Variants in SLC4A7 observed in about 807,000 individuals in gnomAD.
SLC4A7 encodes solute carrier family 4 member 7, also known as sodium bicarbonate cotransporter 3.
A neutral mutation model predicts 137.6 loss-of-function variants in SLC4A7; 51 were observed. The observed-to-expected ratio is 0.37, with a 90% CI of 0.30 to 0.47. SLC4A7 has a LOEUF of 0.47. Among genes scored for constraint, SLC4A7 ranks in the 20% least tolerant of loss-of-function variants. The pLI, the probability that SLC4A7 is intolerant of heterozygous loss-of-function variation, is 1.00. For missense variants in SLC4A7, 1,247 were observed against 1,525.4 expected, an observed-to-expected ratio of 0.82 and a Z score of 3.04; for synonymous variants, 542 against 518.6, an observed-to-expected ratio of 1.05 and a Z score of -0.61.
At chr3:27,425,581 C>T (rs1293209045) in intron 7 of SLC4A7, among the ~76,000 whole-genome samples, 3 of 134,422 alleles carry the variant, frequency 2.2e-5, no homozygotes, top group Non-Finnish European at 4.6e-5. Flanking sequence ...GAGGCTGAGG[C>T]AGGAGAATTG....
chr3:27,447,640 C>CTTTTT (rs71087609), intron 3 of SLC4A7, among the ~76,000 whole-genome samples: 15 of 99,714 alleles, frequency 1.5e-4, no homozygotes, highest in African/African-American at 2.1e-4. Flanking sequence ...TTTTACAGCC[C>CTTTTT]TTTTTTTTTT....
chr3:27,389,145 G>C (rs1337930337), intron 22 of SLC4A7, among the ~76,000 whole-genome samples: 1 of 151,872 alleles, frequency 6.6e-6, no homozygotes, highest in African/African-American at 2.4e-5. Flanking sequence ...GAATAATAAA[G>C]GCAATGAAGT....
At chr3:27,424,698 A>T (rs1382315734) in intron 7 of SLC4A7, among the ~76,000 whole-genome samples, 1 of 152,216 alleles carries the variant, frequency 6.6e-6, no homozygotes, top group Non-Finnish European at 1.5e-5. Context: ...TGTCTATAAT[A>T]CCTATTGTCA....
At chr3:27,428,081 T>C (rs555006002) in intron 7 of SLC4A7, among the ~76,000 whole-genome samples, 11 of 152,348 alleles carry the variant, frequency 7.2e-5, no homozygotes, top group African/African-American at 2.4e-4. Context: ...AAAATCACTT[T>C]TGTTCAAGGA....
intron 18 of SLC4A7, among the ~76,000 whole-genome samples, chr3:27,396,290 G>C (rs1385160225): frequency 6.6e-6 from 1 of 152,026 alleles, no homozygotes; most frequent in Non-Finnish European, 1.5e-5. Context: ...TTACTCTTAA[G>C]AGTTCCTTGA....
intron 11 of SLC4A7, among the ~76,000 whole-genome samples, chr3:27,415,162 A>AC (rs2054264294): frequency 1.3e-5 from 2 of 152,174 alleles, no homozygotes; most frequent in African/African-American, 4.8e-5. Flanking sequence ...CAAGTAGACC[A>AC]CTTCGACACC....
intron 1 of SLC4A7, among the ~76,000 whole-genome samples, chr3:27,472,560 C>T (rs1177476820): frequency 2.6e-5 from 4 of 152,102 alleles, no homozygotes; most frequent in South Asian, 4.1e-4. Context: ...GTATAATTTG[C>T]ATTTTTCAGC....
chr3:27,472,846 G>A (rs914108036), intron 1 of SLC4A7, among the ~76,000 whole-genome samples: 4 of 152,032 alleles, frequency 2.6e-5, no homozygotes, highest in South Asian at 2.1e-4. Context: ...TTGGGAGGCC[G>A]AGGCGGGCAG....
At chr3:27,459,420 T>C (rs2058576319) in intron 1 of SLC4A7, among the ~76,000 whole-genome samples, 1 of 151,360 alleles carries the variant, frequency 6.6e-6, no homozygotes. Context: ...AAAATAAAAA[T>C]ATAAAGTAAC....
In SLC4A7 at chr3:27,430,605, C is replaced by CAA. The variant is rs36019447; in HGVS notation, c.1150+691_1150+692dup. On this transcript the variant is annotated intron_variant, in intron 7 of 25. Transcript: ENST00000454389. ...AGCCTCCAAAGCAAGACCCCGTCTC[C>CAA]AAAAAAAAAAAAAAAAAAAGTTCAC... Among the ~76,000 whole-genome samples the CAA allele has an allele frequency of 6.7e-3, 645 of 96,570 alleles. 3 individuals carry two copies. Among genetic ancestry groups the CAA allele is most frequent in the Non-Finnish European group, 8.3e-3 (409 of 49,088 alleles). 63.4% of individuals were successfully genotyped at this position (96,570 alleles called of 152,430 possible). A position where few individuals can be genotyped will look rare whatever the true frequency, so the allele number is the denominator to read the frequency against.
intron 25 of SLC4A7, among the ~76,000 whole-genome samples, chr3:27,378,701 T>G (rs2050133737): frequency 6.6e-6 from 1 of 152,190 alleles, no homozygotes; most frequent in Non-Finnish European, 1.5e-5. Flanking sequence ...CCTGAACAAA[T>G]GGCATACTAA....
chr3:27,406,241 G>A (rs2053342171), intron 13 of SLC4A7, among the ~76,000 whole-genome samples: 1 of 152,136 alleles, frequency 6.6e-6, no homozygotes. Flanking sequence ...TGGCGGTGAT[G>A]ATAACTAGAA....
chr3:27,448,834 A>G (rs780401547), intron 2 of SLC4A7, 37 bp from the exon 3 acceptor site: 2 of 1,487,072 alleles, frequency 1.3e-6, no homozygotes, highest in Middle Eastern at 1.8e-4. Context: ...CTAGCTTTCC[A>G]AAAGAGAAAA....
chr3:27,419,220 G>T (rs1181535331), intron 10 of SLC4A7, among the ~76,000 whole-genome samples: 1 of 151,870 alleles, frequency 6.6e-6, no homozygotes, highest in Non-Finnish European at 1.5e-5. Flanking sequence ...AAGAAAGTAG[G>T]GTACAGAAAG....
At chr3:27,382,952 T>C (rs1299955370) in intron 24 of SLC4A7, among the ~76,000 whole-genome samples, 3 of 152,222 alleles carry the variant, frequency 2.0e-5, no homozygotes, top group Non-Finnish European at 4.4e-5. Context: ...CAGCTTGGGT[T>C]AGTCCAAGTC....
chr3:27,379,744 C>T (rs2050231255), intron 24 of SLC4A7, among the ~76,000 whole-genome samples: 1 of 151,986 alleles, frequency 6.6e-6, no homozygotes, highest in Non-Finnish European at 1.5e-5. Flanking sequence ...GACTAGAAAA[C>T]GGTTATAATT....
chr3:27,450,901 C>A (rs2058031882), intron 2 of SLC4A7, among the ~76,000 whole-genome samples: 1 of 151,998 alleles, frequency 6.6e-6, no homozygotes, highest in Admixed American at 6.6e-5. Context: ...ACAAAGTATG[C>A]AGAGCTTAGG....
At chr3:27,463,021 G>A (rs954616283) in intron 1 of SLC4A7, among the ~76,000 whole-genome samples, 1 of 152,260 alleles carries the variant, frequency 6.6e-6, no homozygotes, top group Non-Finnish European at 1.5e-5. Flanking sequence ...GGGCGCAGTG[G>A]CTCACGCCTG....
chr3:27,484,177 T>C lies in SLC4A7; in HGVS notation c.-51A>G, dbSNP rs560455814. ...CGCTACGGTACTGCCCCGCGCGGTCTGCCTGCTTCTGCCGCTGCCCCTGCC... is the reference window on the plus strand; with the variant it reads ...CGCTACGGTACTGCCCCGCGCGGTCCGCCTGCTTCTGCCGCTGCCCCTGCC... On this transcript the variant is annotated 5_prime_UTR_variant, in exon 1 of 26. Coordinates refer to ENST00000454389, the MANE Select transcript of SLC4A7 (RefSeq NM_001321103.2). The C allele has an allele frequency of 2.0e-4, 251 of 1,227,404 alleles. 2 individuals carry two copies. The highest frequency in any genetic ancestry group is 4.1e-6 in the Non-Finnish European group (4 of 977,730). The allele number at this position is 1,227,404 out of a possible 1,614,324, so 76.0% of individuals were successfully genotyped here. A position where few individuals can be genotyped will look rare whatever the true frequency, so the allele number is the denominator to read the frequency against.
Sources: gnomAD v4.1 joint callset for allele counts (sites outside exome capture counted in the v4.1 genomes callset) on GRCh38, gnomAD v4.1.1 for gene constraint, MANE v1.5 for transcripts, NCBI Gene and HGNC (gene_info 2026-07-23, HGNC 2026-07-21) for gene names.